QSER1: variants seen among roughly 807,000 people sequenced by gnomAD.
QSER1 encodes the protein glutamine and serine rich 1.
A neutral mutation model predicts 158.5 loss-of-function variants in QSER1; 49 were observed. The observed-to-expected ratio is 0.31, with a 90% confidence interval of 0.25 to 0.39. The LOEUF (loss-of-function observed/expected upper bound fraction) is 0.39, where lower values mean the gene tolerates loss of function less well. Ranked by LOEUF, QSER1 falls within the 10% of genes least tolerant of loss-of-function variation. QSER1 has a pLI of 1.00. For missense variants in QSER1, 1,754 were observed against 2,010.3 expected, an observed-to-expected ratio of 0.87 and a Z score of 2.44; for synonymous variants, 650 against 715.5, an observed-to-expected ratio of 0.91 and a Z score of 1.46.
chr11:32,927,958 T>A lies in QSER1; in HGVS notation c.323-4T>A. 3 of 755,580 alleles carry A rather than the reference T, an allele frequency of 4.0e-6. No homozygotes were observed. Among genetic ancestry groups the A allele is most frequent in the Non-Finnish European group, 6.4e-6 (3 of 467,018 alleles). The allele number at this position is 755,580 out of a possible 1,614,324, so 46.8% of individuals were successfully genotyped here. The stretch of plus-strand genomic sequence containing the variant: ...TTTGGGATATATTTTATCTTCAAAT[T>A]TAGGTCTTTCTGGAATATTTGATAC... On this transcript the variant is annotated splice_region_variant and splice_polypyrimidine_tract_variant and intron_variant, in intron 2 of 12. Coordinates refer to ENST00000650167, the MANE Select transcript of QSER1 (RefSeq NM_001076786.3).
At chr11:32,968,977 G>GA in intron 9 of QSER1, 69 bp from the exon 10 acceptor site, 1 of 835,420 alleles carries the variant, frequency 1.2e-6, no homozygotes, top group East Asian at 2.8e-5. Context: ...AATGTTTTGA[G>GA]AAAAAGTTGG....
At chr11:32,974,046 A>C (rs909032026) in intron 11 of QSER1, among the ~76,000 whole-genome samples, 1 of 152,226 alleles carries the variant, frequency 6.6e-6, no homozygotes, top group Non-Finnish European at 1.5e-5. Context: ...TTAAAATTGG[A>C]ATTTGTTCAT....
At chr11:32,913,689 G>A (rs138553840) in intron 1 of QSER1, among the ~76,000 whole-genome samples, 160 of 152,278 alleles carry the variant, frequency 1.1e-3, no homozygotes, top group East Asian at 5.2e-3. Flanking sequence ...TTCATTATGC[G>A]CCAGTTGCTG....
chr11:32,925,648 C>T (rs887772886), intron 1 of QSER1, among the ~76,000 whole-genome samples: 1 of 151,966 alleles, frequency 6.6e-6, no homozygotes, highest in Non-Finnish European at 1.5e-5. Flanking sequence ...GTGCCTCAAC[C>T]TCCAGAGTAG....
At chr11:32,963,722 G>A (rs117213188) in intron 8 of QSER1, among the ~76,000 whole-genome samples, 2,777 of 152,230 alleles carry the variant, frequency 0.018, 43 homozygotes, top group South Asian at 0.035. Context: ...TGGAGTGCAT[G>A]GTGTAATCAT....
At chr11:32,924,559 T>TC (rs1851942563) in intron 1 of QSER1, among the ~76,000 whole-genome samples, 1 of 67,876 alleles carries the variant, frequency 1.5e-5, no homozygotes, top group Non-Finnish European at 3.0e-5. Context: ...AGACCCTGTC[T>TC]CAAAAAAAAA....
chr11:32,975,539 C>A, intron 12 of QSER1, 196 bp downstream of exon 12: 3 of 1,433,982 alleles, frequency 2.1e-6, no homozygotes, highest in Non-Finnish European at 2.8e-6. Context: ...TTTACCCGAG[C>A]CTCACCACCT....
chr11:32,912,507 C>A (rs1286039882), intron 1 of QSER1, among the ~76,000 whole-genome samples: 2 of 151,998 alleles, frequency 1.3e-5, no homozygotes, highest in East Asian at 3.9e-4. Flanking sequence ...TATAGGGTCC[C>A]ATGTCACATG....
chr11:32,969,400 G>A (rs11032072), intron 10 of QSER1, among the ~76,000 whole-genome samples: 14,682 of 151,764 alleles, frequency 0.097, 949 homozygotes, highest in Non-Finnish European at 0.14. Context: ...TTCTTTTAAC[G>A]CTTTTCAAAA....
At chr11:32,924,697 A>G (rs1359255227) in intron 1 of QSER1, among the ~76,000 whole-genome samples, 3 of 152,152 alleles carry the variant, frequency 2.0e-5, no homozygotes, top group Non-Finnish European at 4.4e-5. Context: ...TATGTAAAGA[A>G]TTCTTAAAAC....
intron 8 of QSER1, among the ~76,000 whole-genome samples, chr11:32,959,793 A>G: frequency 6.6e-6 from 1 of 151,970 alleles, no homozygotes; most frequent in Non-Finnish European, 1.5e-5. Flanking sequence ...GTCAAGGTCT[A>G]CTCTGTTGTC....
Position 32,934,366 on chromosome 11 carries a change from A to G in QSER1, c.3108A>G (p.Thr1036=), listed in dbSNP as rs1042784946. The G allele has an allele frequency of 6.2e-6, 10 of 1,613,870 alleles. No homozygotes were observed. The highest frequency in any genetic ancestry group is 8.5e-6 in the Non-Finnish European group (10 of 1,179,948). Reference sequence around the variant, plus strand: ...TGACTTCAGATTTTAACTCTATGACAGCTACAGTAGGAAAGCCACAGAATA... The same window carrying G: ...TGACTTCAGATTTTAACTCTATGACGGCTACAGTAGGAAAGCCACAGAATA... ...RHVTSDFNSM[T]ATVGKPQNIN... The change falls in exon 4 of 13, where the codon ACA becomes ACG. Residue 1036 remains threonine (T), a synonymous_variant. Transcript: ENST00000650167.
In QSER1 at chr11:32,934,215, C is replaced by T; in HGVS notation, c.2957C>T (p.Ala986Val). The change falls in exon 4 of 13, where the codon GCT becomes GTT. Residue 986 changes from alanine to valine, a missense_variant. Physicochemically the swap from Ala to Val is moderately conservative, Grantham distance 64. Coordinates refer to ENST00000650167, the MANE Select transcript of QSER1 (RefSeq NM_001076786.3). The part of the protein sequence containing the change: ...ILSNVDDILA[A>V]TAAACGVTPT... ...TCAAATGTAGATGATATCTTAGCAG[C>T]TACAGCAGCAGCTTGTGGAGTTACA... 6.2e-7 allele frequency: 1 copy of T among 1,613,906 alleles called. No individual in the cohort carries two copies. The highest frequency in any genetic ancestry group is 8.5e-7 in the Non-Finnish European group (1 of 1,179,942).
At chr11:32,926,059 C>G (rs1851966159) in intron 1 of QSER1, 1 of 152,068 alleles carries the variant, frequency 6.6e-6, no homozygotes, top group Admixed American at 6.6e-5. Flanking sequence ...AGCTGCTGCA[C>G]TCTAGCTTGG....
At chr11:32,973,257 GC>G in intron 10 of QSER1, 139 bp from the exon 11 acceptor site, 1 of 822,770 alleles carries the variant, frequency 1.2e-6, no homozygotes, top group Non-Finnish European at 2.0e-6. Flanking sequence ...ACACCTCTCT[GC>G]AAATAGGTGT....
rs561266223 is a variant in QSER1 at position 32,900,012 on chromosome 11, T to C, written c.209+6678T>C. On this transcript the variant is annotated intron_variant, in intron 1 of 12. Coordinates refer to ENST00000650167, the MANE Select transcript of QSER1 (RefSeq NM_001076786.3). ...TTATCACCATTTACTCCATTGCTTATGTCCAGAAGGTTAGAGCCATCCATG... is the reference window on the plus strand; with the variant it reads ...TTATCACCATTTACTCCATTGCTTACGTCCAGAAGGTTAGAGCCATCCATG... Among the ~76,000 whole-genome samples, 6 of 152,298 alleles carry C rather than the reference T, an allele frequency of 3.9e-5. No individual in the cohort carries two copies. The South Asian group carries it at 1.2e-3, about 32-fold the overall frequency.
At chr11:32,965,872 C>T (rs977272031) in intron 8 of QSER1, among the ~76,000 whole-genome samples, 14 of 149,890 alleles carry the variant, frequency 9.3e-5, no homozygotes, top group African/African-American at 2.4e-4. Context: ...ACCTAGGAGG[C>T]GGAGGTTGCA....
rs1217598771 is a variant in QSER1, at chr11:32,979,691, T to G, written c.*3217T>G. On this transcript the variant is annotated 3_prime_UTR_variant, in exon 13 of 13. Transcript: ENST00000650167. The stretch of plus-strand genomic sequence containing the variant: ...TAGATGGACTCATGCATTAAGACTG[T>G]TTTCAAAGCTTTCCTCACATTTTTA... 1 of 152,226 alleles carries G rather than the reference T, an allele frequency of 6.6e-6. No homozygotes were observed. The highest frequency in any genetic ancestry group is 2.4e-5 in the African/African-American group (1 of 41,472). The allele number at this position is 152,226 out of a possible 1,614,324, so 9.4% of individuals were successfully genotyped here. A position where few individuals can be genotyped will look rare whatever the true frequency, so the allele number is the denominator to read the frequency against.
chr11:32,935,133 A>C lies in QSER1; in HGVS notation c.3875A>C (p.Gln1292Pro). ...FLDFLKSGPK[Q>P]QFSTLAVRMP... The stretch of plus-strand genomic sequence containing the variant: ...GATTTTCTGAAATCCGGGCCCAAGC[A>C]GCAGTTTTCCACTCTTGCTGTACGA... Residue 1292 changes from glutamine (Q) to proline (P), a missense_variant, in exon 4 of 13, where the codon CAG (glutamine) becomes CCG (proline). Physicochemically the swap from Gln to Pro is moderately conservative, Grantham distance 76 (BLOSUM62 -1). This residue lies in a region of QSER1 where 1,707 missense variants were observed against 1,919.6 expected (regional missense o/e 0.89). Coordinates refer to ENST00000650167, the MANE Select transcript of QSER1 (RefSeq NM_001076786.3). 6.2e-7 allele frequency: 1 copy of C among 1,614,116 alleles called. No individual in the cohort carries two copies. The highest frequency in any genetic ancestry group is 8.5e-7 in the Non-Finnish European group (1 of 1,180,000).
Sources: allele counts gnomAD v4.1 joint callset (sites outside exome capture counted in the v4.1 genomes callset), GRCh38; gene constraint gnomAD v4.1.1; regional missense constraint gnomAD v4.1.1; transcripts MANE v1.5; gene names NCBI Gene and HGNC (gene_info 2026-07-23, HGNC 2026-07-21).